The following DLG2 variants were observed in gnomAD, a reference collection of about 807,000 sequenced individuals.
The protein encoded by DLG2 is discs large MAGUK scaffold protein 2, also known as disks large homolog 2.
In DLG2, 45 loss-of-function variants were observed where a neutral mutation model predicts 132.5. The observed-to-expected ratio is 0.34, with a 90% CI of 0.27 to 0.44. The LOEUF is 0.44. DLG2 is among the 20% of genes least tolerant of loss of function. The pLI is 1.00. For missense variants in DLG2, 1,045 were observed against 1,196.9 expected (o/e 0.87, Z 1.87); for synonymous variants, 424 against 419.6 (o/e 1.01, Z -0.13).
In DLG2 at chr11:84,539,209, A is replaced by G. The variant is rs534875892; in HGVS notation, c.358-4478T>C. Among the ~76,000 whole-genome samples the G allele has an allele frequency of 2.1e-4, 32 of 152,292 alleles. 1 individual carries two copies. The highest frequency in any genetic ancestry group is 6.5e-4 in the African/African-American group (27 of 41,570). On this transcript the variant is annotated intron_variant, in intron 6 of 27. Transcript: ENST00000376104. ...TAATTAGGTATTTTTCTAAGCTTACATACCTGGAAAGTGGCAAACCAGGTT... is the reference window on the plus strand; with the variant it reads ...TAATTAGGTATTTTTCTAAGCTTACGTACCTGGAAAGTGGCAAACCAGGTT...
intron 6 of DLG2, among the ~76,000 whole-genome samples, chr11:84,838,042 C>A (rs930296638): frequency 4.6e-5 from 7 of 151,716 alleles, no homozygotes; most frequent in Admixed American, 2.0e-4. Flanking sequence ...CACACATAAA[C>A]AAAGAAAAGT....
chr11:84,849,328 A>T (rs146673402), intron 6 of DLG2, among the ~76,000 whole-genome samples: 2 of 152,204 alleles, frequency 1.3e-5, no homozygotes, highest in East Asian at 1.9e-4. Context: ...CATGTCAAGC[A>T]TGTCGCTCAT....
intron 6 of DLG2, among the ~76,000 whole-genome samples, chr11:84,957,496 T>C (rs1425412815): frequency 1.3e-5 from 2 of 152,192 alleles, no homozygotes; most frequent in African/African-American, 4.8e-5. Context: ...TTACTCTGAG[T>C]GTATTCTCTC....
intron 7 of DLG2, among the ~76,000 whole-genome samples, chr11:84,326,084 A>G (rs767144414): frequency 2.1e-3 from 314 of 152,188 alleles, no homozygotes; most frequent in Non-Finnish European, 3.3e-3. Context: ...CAGTAGTAAC[A>G]TAACTTCTTT....
At chr11:84,333,471 A>G (rs2098470308) in intron 7 of DLG2, among the ~76,000 whole-genome samples, 1 of 152,224 alleles carries the variant, frequency 6.6e-6, no homozygotes, top group Admixed American at 6.5e-5. Context: ...CTACTGGATC[A>G]GAAAAGAGCT....
At chr11:83,675,002 G>A (rs1169506800) in intron 18 of DLG2, among the ~76,000 whole-genome samples, 1 of 152,206 alleles carries the variant, frequency 6.6e-6, no homozygotes, top group Non-Finnish European at 1.5e-5. Context: ...TGAACTGTAT[G>A]ATCACGCTTG....
intron 3 of DLG2, among the ~76,000 whole-genome samples, chr11:85,459,590 G>A (rs2092538147): frequency 6.6e-6 from 1 of 152,118 alleles, no homozygotes; most frequent in African/African-American, 2.4e-5. Context: ...GGCCCTGCCT[G>A]GTAAAGAGTA....
In DLG2 at chr11:84,290,409, G is replaced by C. The variant is rs147994345; in HGVS notation, c.520-39118C>G. ...GTGTATGACCAAAAGAAAGCCTCTTGGTTTTTCTGAGCCTTTATTTGCTCT... is the reference window on the plus strand; with the variant it reads ...GTGTATGACCAAAAGAAAGCCTCTTCGTTTTTCTGAGCCTTTATTTGCTCT... On this transcript the variant is annotated intron_variant, in intron 7 of 27. Transcript: ENST00000376104. Among the ~76,000 whole-genome samples the C allele has an allele frequency of 9.5e-4, 145 of 152,084 alleles. 1 individual carries two copies. Among genetic ancestry groups the C allele is most frequent in the Middle Eastern group, 6.8e-3 (2 of 294 alleles).
chr11:85,021,626 C>G, intron 6 of DLG2: 1 of 1,300,410 alleles, frequency 7.7e-7, no homozygotes, highest in Non-Finnish European at 1.1e-6. Context: ...GAGCGAGGAT[C>G]TGTCTTGTTG....
At chr11:84,501,616 AC>A (rs1277791726) in intron 7 of DLG2, among the ~76,000 whole-genome samples, 1 of 152,318 alleles carries the variant, frequency 6.6e-6, no homozygotes, top group East Asian at 1.9e-4. Flanking sequence ...GAATACAAAT[AC>A]TTTGCTTACA....
chr11:83,466,644 A>ACT (rs2091088930), intron 26 of DLG2, 64 bp downstream of exon 26: 1 of 809,056 alleles, frequency 1.2e-6, no homozygotes, highest in Non-Finnish European at 2.0e-6. Context: ...TCCTGTTAGT[A>ACT]ATTTTCAGTA....
In DLG2 at chr11:85,150,406, T is replaced by A. The variant is rs11234308; in HGVS notation, c.282+4150A>T. Reference sequence around the variant, plus strand: ...GACCACTCTTAAGTGTAGAGTTCAATAGTGTTAAGTATATTACATTGCTGT... The same window carrying A: ...GACCACTCTTAAGTGTAGAGTTCAAAAGTGTTAAGTATATTACATTGCTGT... On this transcript the variant is annotated intron_variant, in intron 5 of 27. Coordinates refer to ENST00000376104, the MANE Select transcript of DLG2 (RefSeq NM_001142699.3). 3.2e-3 allele frequency among the ~76,000 whole-genome samples: 488 copies of A among 152,258 alleles called. 3 individuals are homozygous for A. The highest frequency in any genetic ancestry group is 0.011 in the African/African-American group (473 of 41,540).
At chr11:85,381,417 G>T (rs1323434327) in intron 3 of DLG2, among the ~76,000 whole-genome samples, 1 of 152,152 alleles carries the variant, frequency 6.6e-6, no homozygotes, top group Non-Finnish European at 1.5e-5. Context: ...AAGACTGAAA[G>T]GTTTTCCCCT....
chr11:84,363,885 C>G (rs1199422045), intron 7 of DLG2, among the ~76,000 whole-genome samples: 2 of 152,058 alleles, frequency 1.3e-5, no homozygotes, highest in Admixed American at 6.6e-5. Context: ...GTTTTGGTAC[C>G]AGTACCATGC....
intron 3 of DLG2, among the ~76,000 whole-genome samples, chr11:85,379,821 C>T (rs942112901): frequency 9.2e-5 from 14 of 152,144 alleles, no homozygotes; most frequent in African/African-American, 3.4e-4. Flanking sequence ...ACCTAACTCC[C>T]TCAAATGCTA....
intron 6 of DLG2, among the ~76,000 whole-genome samples, chr11:84,920,133 A>G (rs921291852): frequency 6.6e-6 from 1 of 152,198 alleles, no homozygotes; most frequent in African/African-American, 2.4e-5. Flanking sequence ...AAGTAAAACA[A>G]TTTACAAAGT....
chr11:83,733,112 G>A (rs1256886641), intron 18 of DLG2, among the ~76,000 whole-genome samples: 1 of 151,718 alleles, frequency 6.6e-6, no homozygotes, highest in Admixed American at 6.6e-5. Context: ...ATGGTGGTGG[G>A]TGCTCGTAAT....
intron 4 of DLG2, among the ~76,000 whole-genome samples, chr11:85,240,731 A>T (rs1328339357): frequency 6.6e-6 from 1 of 151,774 alleles, no homozygotes; most frequent in African/African-American, 2.4e-5. Flanking sequence ...TTTGTTTTTT[A>T]AGTTACCTTT....
chr11:84,496,334 C>T (rs1329071033), intron 7 of DLG2, among the ~76,000 whole-genome samples: 1 of 152,080 alleles, frequency 6.6e-6, no homozygotes, highest in African/African-American at 2.4e-5. Context: ...TTGGGGTGAG[C>T]TCTGTGTGTT....
Sources: allele counts gnomAD v4.1 joint callset (sites outside exome capture counted in the v4.1 genomes callset), GRCh38; gene constraint gnomAD v4.1.1; transcripts MANE v1.5; gene names NCBI Gene and HGNC (gene_info 2026-07-23, HGNC 2026-07-21).